The following LARP1B variants were observed in gnomAD, a reference collection of about 807,000 sequenced individuals.
The protein encoded by LARP1B is La ribonucleoprotein 1B, also known as la-related protein 1B.
In LARP1B, 76 loss-of-function variants were observed where a neutral mutation model predicts 114.2. The observed-to-expected ratio is 0.67, with a 90% CI of 0.55 to 0.81. The LOEUF (loss-of-function observed/expected upper bound fraction) is 0.81. Among genes scored for constraint, LARP1B ranks in the 30% least tolerant of loss-of-function variants. The pLI is 0.00. For missense variants in LARP1B, 1,014 were observed against 1,075.8 expected, an observed-to-expected ratio of 0.94 and a Z score of 0.80; for synonymous variants, 345 against 348.0, an observed-to-expected ratio of 0.99 and a Z score of 0.10.
intron 1 of LARP1B, among the ~76,000 whole-genome samples, chr4:128,073,341 C>G (rs62335640): frequency 1.0e-4 from 15 of 146,648 alleles, no homozygotes; most frequent in African/African-American, 3.3e-4. Flanking sequence ...GCTTGAACCC[C>G]GGAGGGGGAG....
chr4:128,127,716 C>T (rs1201098300), intron 11 of LARP1B, among the ~76,000 whole-genome samples: 2 of 152,092 alleles, frequency 1.3e-5, no homozygotes, highest in Non-Finnish European at 2.9e-5. Context: ...GCCTATAATC[C>T]CAGCTACTTG....
At chr4:128,185,996 G>C (rs1750209990) in intron 15 of LARP1B, among the ~76,000 whole-genome samples, 1 of 152,100 alleles carries the variant, frequency 6.6e-6, no homozygotes, top group Non-Finnish European at 1.5e-5. Flanking sequence ...ATAATGTGTA[G>C]ATTTTTTTCT....
chr4:128,085,761 T>G (rs1773230075), intron 5 of LARP1B, among the ~76,000 whole-genome samples: 1 of 152,250 alleles, frequency 6.6e-6, no homozygotes, highest in South Asian at 2.1e-4. Flanking sequence ...TTATAGTTTT[T>G]GGTCTTCATG....
At chr4:128,159,941 C>T (rs1737662897) in intron 11 of LARP1B, among the ~76,000 whole-genome samples, 1 of 152,148 alleles carries the variant, frequency 6.6e-6, no homozygotes, top group Non-Finnish European at 1.5e-5. Context: ...TTTGTAATAG[C>T]TATAATCTGA....
At chr4:128,206,014 G>A (rs1243119584) in intron 17 of LARP1B, among the ~76,000 whole-genome samples, 1 of 152,126 alleles carries the variant, frequency 6.6e-6, no homozygotes. Context: ...ATACCGGCCG[G>A]GCGCAGTGAC....
intron 12 of LARP1B, among the ~76,000 whole-genome samples, chr4:128,169,841 T>C (rs1460125536): frequency 1.3e-5 from 2 of 152,166 alleles, no homozygotes; most frequent in Admixed American, 6.5e-5. Context: ...TTCACCACGT[T>C]GGCCAGGCCG....
intron 8 of LARP1B, among the ~76,000 whole-genome samples, chr4:128,104,565 C>T (rs1781419558): frequency 6.6e-6 from 1 of 152,108 alleles, no homozygotes; most frequent in Non-Finnish European, 1.5e-5. Context: ...CTGCCTCAGC[C>T]TCCCGAGTAG....
rs1419528092 is a variant in LARP1B, at chr4:128,220,296, T to C, written n.849-59T>C. 4 of 625,806 alleles carry C rather than the reference T, an allele frequency of 6.4e-6. No homozygotes were observed. The Admixed American group carries it at 1.9e-4, about 30-fold the overall frequency. 38.8% of individuals were successfully genotyped at this position (625,806 alleles called of 1,614,324 possible). On this transcript the variant is annotated intron_variant and non_coding_transcript_variant, in intron 6 of 7. Coordinates refer to the LARP1B transcript ENST00000503725. Reference sequence around the variant, plus strand: ...ACTTTCCTTTGTGTGTTTAATCTTTTCCTTCAACTAATTTCTTGGCTTTTA... The same window carrying C: ...ACTTTCCTTTGTGTGTTTAATCTTTCCCTTCAACTAATTTCTTGGCTTTTA...
chr4:128,182,842 T>C (rs1219403865), intron 15 of LARP1B, among the ~76,000 whole-genome samples: 1 of 152,058 alleles, frequency 6.6e-6, no homozygotes, highest in Admixed American at 6.5e-5. Context: ...GATAAGAAAG[T>C]GAAACAGTTT....
At chr4:128,139,398 C>G (rs528462893) in intron 11 of LARP1B, among the ~76,000 whole-genome samples, 11 of 152,214 alleles carry the variant, frequency 7.2e-5, no homozygotes, top group African/African-American at 2.6e-4. Context: ...GAGGCTAAGG[C>G]AGGAGGATCC....
At chr4:128,083,877 C>T (rs1378044739) in intron 5 of LARP1B, among the ~76,000 whole-genome samples, 4 of 151,674 alleles carry the variant, frequency 2.6e-5, no homozygotes, top group African/African-American at 4.8e-5. Flanking sequence ...GGGTGGCTGC[C>T]GGGCAGAGGG....
chr4:128,097,136 G>A (rs1369656906), intron 7 of LARP1B, among the ~76,000 whole-genome samples: 1 of 152,076 alleles, frequency 6.6e-6, no homozygotes, highest in Non-Finnish European at 1.5e-5. Flanking sequence ...GACCTCAAGC[G>A]ATCCACCCAC....
intron 11 of LARP1B, among the ~76,000 whole-genome samples, chr4:128,152,297 G>A (rs920419179): frequency 2.0e-5 from 3 of 149,598 alleles, no homozygotes; most frequent in African/African-American, 5.0e-5. Flanking sequence ...TCCACCTCCC[G>A]GGTTCAAGCG....
In LARP1B at chr4:128,098,260, T is replaced by G. The variant is rs1778789425; in HGVS notation, c.743T>G (p.Leu248Trp). Residue 248 changes from leucine (L) to tryptophan (W), a missense_variant, in exon 8 of 20, where the codon TTG becomes TGG. By Grantham distance (61) the Leu-to-Trp change is moderately conservative. Coordinates refer to ENST00000326639, the MANE Select transcript of LARP1B (RefSeq NM_018078.4). ...GGAAAGATGGATGAACAAGGTTTCT[T>G]GCCTATTTCCCTGATTGCTGGTTTT... ...LRGKMDEQGF[L>W]PISLIAGFQR... 1 of 1,613,998 alleles carries G rather than the reference T, an allele frequency of 6.2e-7. No individual in the cohort carries two copies. Among genetic ancestry groups the G allele is most frequent in the Non-Finnish European group, 8.5e-7 (1 of 1,179,882 alleles).
At chr4:128,089,257 A>G (rs1210363243) in intron 5 of LARP1B, among the ~76,000 whole-genome samples, 4 of 152,192 alleles carry the variant, frequency 2.6e-5, no homozygotes, top group African/African-American at 4.8e-5. Flanking sequence ...GGATTTGCAT[A>G]TCTTCACATT....
At chr4:128,157,451 G>A (rs780842634) in intron 11 of LARP1B, among the ~76,000 whole-genome samples, 4 of 152,070 alleles carry the variant, frequency 2.6e-5, no homozygotes, top group Non-Finnish European at 5.9e-5. Context: ...AGAGATTATG[G>A]GTAAGAATTT....
At chr4:128,098,756 T>C (rs1779056239) in intron 8 of LARP1B, among the ~76,000 whole-genome samples, 1 of 34,952 alleles carries the variant, frequency 2.9e-5, no homozygotes, top group Non-Finnish European at 5.7e-5. Flanking sequence ...TGTATATATA[T>C]ATATATATAT....
downstream of LARP1B, among the ~76,000 whole-genome samples, chr4:128,214,373 G>A (rs994662618): frequency 6.8e-6 from 1 of 146,736 alleles, no homozygotes; most frequent in Non-Finnish European, 1.5e-5. Context: ...CAAAAAGACA[G>A]CAGTAACCTC....
intron 7 of LARP1B, chr4:128,092,709 A>G: frequency 4.2e-6 from 4 of 962,822 alleles, no homozygotes; most frequent in Non-Finnish European, 4.9e-6. Flanking sequence ...GGTTGCCTTC[A>G]TGGTGGATCC....
Sources: allele counts gnomAD v4.1 joint callset (sites outside exome capture counted in the v4.1 genomes callset), GRCh38; gene constraint gnomAD v4.1.1; transcripts MANE v1.5; gene names NCBI Gene and HGNC (gene_info 2026-07-23, HGNC 2026-07-21).